The following DLGAP1 variants were observed in gnomAD, a reference collection of about 807,000 sequenced individuals.
DLGAP1 encodes the protein DLG associated protein 1.
Under a neutral mutation model 90.8 loss-of-function variants are expected in DLGAP1, and 11 were observed. The observed-to-expected ratio is 0.12, with a 90% CI of 0.08 to 0.20. DLGAP1 has a LOEUF of 0.20. DLGAP1 is among the 10% of genes least tolerant of loss of function. DLGAP1 has a pLI of 1.00. For synonymous variants in DLGAP1, 558 were observed against 540.7 expected, an observed-to-expected ratio of 1.03 and a Z score of -0.44; for missense variants, 1,050 against 1,333.8, an observed-to-expected ratio of 0.79 and a Z score of 3.31.
rs999598935 is a variant in DLGAP1 at position 4,231,921 on chromosome 18, C to T, written c.-266-80634G>A. Among the ~76,000 whole-genome samples, 8 of 151,940 alleles carry T rather than the reference C, an allele frequency of 5.3e-5. 1 individual carries two copies. The South Asian group carries it at 6.2e-4, about 12-fold the overall frequency. Reference sequence around the variant, plus strand: ...AGAATGAAATTCTGTGGCTATTGGTCGATGTGCAATCCCTAATAGGTTAAG... The same window carrying T: ...AGAATGAAATTCTGTGGCTATTGGTTGATGTGCAATCCCTAATAGGTTAAG... On this transcript the variant is annotated intron_variant, in intron 1 of 12. Coordinates refer to ENST00000315677, the MANE Select transcript of DLGAP1 (RefSeq NM_004746.4).
chr18:3,788,373 T>A lies in DLGAP1; in HGVS notation c.1172+25686A>T, dbSNP rs1300389514. Among the ~76,000 whole-genome samples, 4 of 152,190 alleles carry A rather than the reference T, an allele frequency of 2.6e-5. No individual in the cohort carries two copies. In the South Asian group the frequency reaches 6.2e-4, roughly 24 times the overall value. ...TAGATGTTTTTGCCTCATTCCCCCCTGCTTAATCCTTTCAATCCTCACTGC... is the reference window on the plus strand; with the variant it reads ...TAGATGTTTTTGCCTCATTCCCCCCAGCTTAATCCTTTCAATCCTCACTGC... On this transcript the variant is annotated intron_variant, in intron 5 of 12. Coordinates refer to ENST00000315677, the MANE Select transcript of DLGAP1 (RefSeq NM_004746.4).
chr18:4,284,160 C>A (rs2079623893), intron 1 of DLGAP1, among the ~76,000 whole-genome samples: 1 of 149,482 alleles, frequency 6.7e-6, no homozygotes, highest in South Asian at 2.1e-4. Context: ...TGAGTAGCCA[C>A]TGCACTCCAG....
At chr18:3,636,080 C>A (rs1216283029) in intron 7 of DLGAP1, among the ~76,000 whole-genome samples, 1 of 151,266 alleles carries the variant, frequency 6.6e-6, no homozygotes, top group Non-Finnish European at 1.5e-5. Context: ...ATACCTTTCG[C>A]TCTTTTCTCA....
chr18:4,159,827 T>C (rs1331395365), intron 1 of DLGAP1, among the ~76,000 whole-genome samples: 1 of 152,188 alleles, frequency 6.6e-6, no homozygotes, highest in Non-Finnish European at 1.5e-5. Context: ...AAACTTAGTC[T>C]CCATTCTCTT....
chr18:3,611,828 C>T (rs2057648270), intron 7 of DLGAP1, among the ~76,000 whole-genome samples: 1 of 152,244 alleles, frequency 6.6e-6, no homozygotes, highest in Non-Finnish European at 1.5e-5. Flanking sequence ...CTAATTATTT[C>T]CAGCTGGGGT....
chr18:3,940,629 G>C (rs1445869055), intron 3 of DLGAP1, among the ~76,000 whole-genome samples: 2 of 152,114 alleles, frequency 1.3e-5, no homozygotes, highest in African/African-American at 4.8e-5. Flanking sequence ...ACCTAGTTCA[G>C]GTAAAATCAA....
At chr18:4,362,708 T>C (rs144068606) in intron 1 of DLGAP1, among the ~76,000 whole-genome samples, 1 of 152,148 alleles carries the variant, frequency 6.6e-6, no homozygotes, top group Admixed American at 6.5e-5. Context: ...GAACTGTAAA[T>C]GGTAAAAACG....
In DLGAP1 at chr18:3,499,094, A is replaced by G; in HGVS notation, c.*91T>C. On this transcript the variant is annotated 3_prime_UTR_variant, in exon 13 of 13. Coordinates refer to ENST00000315677, the MANE Select transcript of DLGAP1 (RefSeq NM_004746.4). The surrounding 1 kb of genome is among the most constrained non-coding windows in gnomAD (Gnocchi z 6.4). ...TGGAAGTCACCGAGCTCGGGAGCGG[A>G]CGGGCTCGGAGGGGGAGAGGCAGCC... 8.4e-7 allele frequency: 1 copy of G among 1,192,490 alleles called. No homozygotes were observed. The highest frequency in any genetic ancestry group is 1.1e-6 in the Non-Finnish European group (1 of 890,722). 73.9% of individuals were successfully genotyped at this position (1,192,490 alleles called of 1,614,324 possible).
chr18:3,710,441 G>T (rs923501008), intron 7 of DLGAP1, among the ~76,000 whole-genome samples: 3 of 152,182 alleles, frequency 2.0e-5, no homozygotes, highest in East Asian at 1.9e-4. Context: ...TCAAGAAGAG[G>T]TATAGGTTTA....
chr18:3,874,608 A>G, intron 4 of DLGAP1: 1 of 1,532,668 alleles, frequency 6.5e-7, no homozygotes, highest in Non-Finnish European at 8.7e-7. Context: ...ACTATTAAGC[A>G]CTTACCCTGA....
rs1157705524 is a variant in DLGAP1, at chr18:3,996,447, C to G, written c.-73+8669G>C. The stretch of plus-strand genomic sequence containing the variant: ...CTTAGGTATCTGAATCTATTTTTTT[C>G]AAATGTAAATTTTAAGATATCTATT... On this transcript the variant is annotated intron_variant, in intron 3 of 12. Coordinates refer to ENST00000315677, the MANE Select transcript of DLGAP1 (RefSeq NM_004746.4). Among the ~76,000 whole-genome samples, 4 of 151,832 alleles carry G rather than the reference C, an allele frequency of 2.6e-5. No individual in the cohort carries two copies. The East Asian group carries it at 7.7e-4, about 29-fold the overall frequency.
intron 1 of DLGAP1, among the ~76,000 whole-genome samples, chr18:4,213,867 T>C (rs959175023): frequency 2.0e-5 from 3 of 152,058 alleles, no homozygotes; most frequent in East Asian, 3.9e-4. Context: ...TAGTAAGTGG[T>C]GTTAAAGTCC....
intron 7 of DLGAP1, among the ~76,000 whole-genome samples, chr18:3,614,566 G>T (rs1407128193): frequency 1.3e-5 from 2 of 151,148 alleles, no homozygotes; most frequent in African/African-American, 4.9e-5. Flanking sequence ...AAGCTAAGTA[G>T]ATTTTAAGAA....
chr18:3,877,785 A>G (rs143683710), intron 4 of DLGAP1, among the ~76,000 whole-genome samples: 2 of 152,342 alleles, frequency 1.3e-5, no homozygotes, highest in African/African-American at 4.8e-5. Context: ...GGATTAAATG[A>G]TTCTTTGAGC....
intron 9 of DLGAP1, among the ~76,000 whole-genome samples, chr18:3,566,264 C>G (rs1279143974): frequency 6.6e-6 from 1 of 151,984 alleles, no homozygotes; most frequent in African/African-American, 2.4e-5. Context: ...GTAACTATTG[C>G]TAACTTTTGT....
intron 7 of DLGAP1, among the ~76,000 whole-genome samples, chr18:3,593,378 C>T (rs558234873): frequency 6.6e-6 from 1 of 152,288 alleles, no homozygotes; most frequent in South Asian, 2.1e-4. Context: ...TACAGCTTCA[C>T]ATTTAAGGCC....
At chr18:3,988,500 A>T (rs544238958) in intron 3 of DLGAP1, among the ~76,000 whole-genome samples, 1 of 152,280 alleles carries the variant, frequency 6.6e-6, no homozygotes, top group Admixed American at 6.5e-5. Context: ...ACCTTGGATC[A>T]TCAGGCATTA....
intron 1 of DLGAP1, among the ~76,000 whole-genome samples, chr18:4,313,950 C>G (rs139800751): frequency 1.3e-5 from 2 of 152,172 alleles, no homozygotes; most frequent in South Asian, 4.1e-4. Context: ...ATATGGAGAA[C>G]TATCCTTCTT....
At chr18:3,657,437 T>C (rs894870766) in intron 7 of DLGAP1, among the ~76,000 whole-genome samples, 1 of 152,178 alleles carries the variant, frequency 6.6e-6, no homozygotes, top group Non-Finnish European at 1.5e-5. Context: ...GGTCCAACGT[T>C]GAGTAAGAAA....
Sources: gnomAD v4.1 joint callset for allele counts (sites outside exome capture counted in the v4.1 genomes callset) on GRCh38, gnomAD v4.1.1 for gene constraint, Gnocchi (gnomAD v3.1) non-coding constraint, MANE v1.5 for transcripts, NCBI Gene and HGNC (gene_info 2026-07-23, HGNC 2026-07-21) for gene names.